Variants in AGO2 observed in about 807,000 individuals in gnomAD.
AGO2 encodes the protein protein argonaute-2.
In AGO2, 5 loss-of-function variants were observed where a neutral mutation model predicts 102.3. The observed-to-expected ratio is 0.05, with a 90% CI of 0.03 to 0.10. The LOEUF (loss-of-function observed/expected upper bound fraction) is 0.10, where lower values mean the gene tolerates loss of function less well. AGO2 is among the 10% of genes least tolerant of loss of function. AGO2 has a pLI of 1.00. For synonymous variants in AGO2, 449 were observed against 473.1 expected (o/e 0.95, Z 0.66); for missense variants, 541 against 1,183.7 (o/e 0.46, Z 7.97).
Position 140,555,935 on chromosome 8 carries a change from C to A in AGO2, c.1230G>T (p.Gly410=). Residue 410 remains glycine, a synonymous_variant, in exon 10 of 19, where the codon GGG becomes GGT. Transcript: ENST00000220592. ...GGATGGAGGGCGGCTGCAGCACCCGCCCAGTCACGTCTGTCATCTCATCTT... is the reference window on the plus strand; with the variant it reads ...GGATGGAGGGCGGCTGCAGCACCCGACCAGTCACGTCTGTCATCTCATCTT... ...MVKDEMTDVT[G]RVLQPPSILY... 1 of 1,614,172 alleles carries A rather than the reference C, an allele frequency of 6.2e-7. No individual in the cohort carries two copies. Among genetic ancestry groups the A allele is most frequent in the Non-Finnish European group, 8.5e-7 (1 of 1,180,046 alleles).
chr8:140,594,375 G>T (rs1453679626), intron 1 of AGO2, among the ~76,000 whole-genome samples: 1 of 152,190 alleles, frequency 6.6e-6, no homozygotes, highest in Non-Finnish European at 1.5e-5. Flanking sequence ...AATATCCACA[G>T]AAATATTTTA....
At chr8:140,592,902 C>A (rs564380052) in intron 1 of AGO2, 11 of 152,448 alleles carry the variant, frequency 7.2e-5, no homozygotes, top group African/African-American at 2.6e-4. Flanking sequence ...GACTTGTCTT[C>A]ATTGCACAGC....
chr8:140,608,964 C>T (rs1466539727), intron 1 of AGO2, among the ~76,000 whole-genome samples: 1 of 152,232 alleles, frequency 6.6e-6, no homozygotes, highest in Non-Finnish European at 1.5e-5. Flanking sequence ...CCACCCACTG[C>T]CTCAGTTCCA....
At chr8:140,607,379 C>A (rs2074011065) in intron 1 of AGO2, among the ~76,000 whole-genome samples, 1 of 150,782 alleles carries the variant, frequency 6.6e-6, no homozygotes, top group South Asian at 2.1e-4. Context: ...TGTGCTATGA[C>A]TGTACCTGTG....
intron 3 of AGO2, among the ~76,000 whole-genome samples, chr8:140,571,643 A>G (rs2073378953): frequency 6.6e-6 from 1 of 152,202 alleles, no homozygotes; most frequent in African/African-American, 2.4e-5. Flanking sequence ...AGGGTTTAAA[A>G]AGCAAACTGT....
chr8:140,535,636 C>A, intron 16 of AGO2, 67 bp from the exon 17 acceptor site: 1 of 1,521,576 alleles, frequency 6.6e-7, no homozygotes. Flanking sequence ...GCGGGCCAGG[C>A]AGCCGCGCCG....
intron 10 of AGO2, among the ~76,000 whole-genome samples, chr8:140,551,672 T>TGATGGGTGGGTGGATGGTG (rs1289702273): frequency 1.3e-5 from 2 of 148,928 alleles, no homozygotes; most frequent in African/African-American, 2.5e-5. Flanking sequence ...GGTGGATGGT[T>TGATGGGTGGGTGGATGGTG]GATGGGTGGG....
intron 2 of AGO2, among the ~76,000 whole-genome samples, chr8:140,577,928 C>T (rs1259546484): frequency 2.0e-5 from 3 of 152,238 alleles, no homozygotes; most frequent in Admixed American, 1.3e-4. Flanking sequence ...CCCAGCACGG[C>T]GTGCGGCTTG....
intron 10 of AGO2, among the ~76,000 whole-genome samples, chr8:140,552,630 T>C (rs191129967): frequency 4.2e-4 from 64 of 152,328 alleles, no homozygotes; most frequent in Non-Finnish European, 7.2e-4. Flanking sequence ...AGCCTCCCTG[T>C]GTGCAAGAGT....
chr8:140,586,985 G>A (rs528133624), intron 1 of AGO2, among the ~76,000 whole-genome samples: 20 of 152,314 alleles, frequency 1.3e-4, no homozygotes, highest in African/African-American at 4.3e-4. Context: ...GGGGCACACC[G>A]CTGGCTGCAA....
At chr8:140,582,784 G>T (rs573678538) in intron 2 of AGO2, among the ~76,000 whole-genome samples, 72 of 152,242 alleles carry the variant, frequency 4.7e-4, no homozygotes, top group African/African-American at 1.7e-3. Context: ...TTATAAATTG[G>T]ACTTCAACAA....
At chr8:140,613,803 C>A (rs2074108767) in intron 1 of AGO2, among the ~76,000 whole-genome samples, 1 of 151,846 alleles carries the variant, frequency 6.6e-6, no homozygotes, top group Admixed American at 6.6e-5. Context: ...GTCACTTGAC[C>A]CCTGGGGCTT....
intron 1 of AGO2, among the ~76,000 whole-genome samples, chr8:140,630,233 T>C (rs1588520603): frequency 6.6e-6 from 1 of 152,188 alleles, no homozygotes; most frequent in East Asian, 1.9e-4. Flanking sequence ...AAAAACGCAT[T>C]GAATCTGAGA....
intron 1 of AGO2, among the ~76,000 whole-genome samples, chr8:140,596,196 C>G: frequency 6.6e-6 from 1 of 151,558 alleles, no homozygotes; most frequent in East Asian, 1.9e-4. Context: ...TTATTTAAAA[C>G]TAAATTATTT....
intron 3 of AGO2, among the ~76,000 whole-genome samples, chr8:140,566,728 ACTGT>A (rs766100259): frequency 2.6e-5 from 4 of 152,006 alleles, no homozygotes; most frequent in Non-Finnish European, 5.9e-5. Flanking sequence ...CCCCTGTCAA[ACTGT>A]CTGACTCCAG....
chr8:140,539,492 G>C lies in AGO2; in HGVS notation c.2035-38C>G, dbSNP rs759254730. ...GAGGGAGGAGGTTGTGCTTAAAGATGGTAGTGCATGTGAGCAACGGTCCCA... is the reference window on the plus strand; with the variant it reads ...GAGGGAGGAGGTTGTGCTTAAAGATCGTAGTGCATGTGAGCAACGGTCCCA... On this transcript the variant is annotated intron_variant, in intron 15 of 18. Coordinates refer to ENST00000220592, the MANE Select transcript of AGO2 (RefSeq NM_012154.5). This position sits in a 1 kb window ranked among gnomAD's most constrained non-coding sequence, Gnocchi z 4.7. 4.4e-6 allele frequency: 7 copies of C among 1,586,410 alleles called. No individual in the cohort carries two copies. The highest frequency in any genetic ancestry group is 6.0e-6 in the Non-Finnish European group (7 of 1,164,432).
chr8:140,639,158 A>G (rs551980527), upstream of AGO2, among the ~76,000 whole-genome samples: 60 of 152,306 alleles, frequency 3.9e-4, no homozygotes, highest in African/African-American at 1.4e-3. Flanking sequence ...GTGAGACACT[A>G]TGCCCAGACT....
At chr8:140,581,986 A>G (rs528933089) in intron 2 of AGO2, among the ~76,000 whole-genome samples, 1 of 152,354 alleles carries the variant, frequency 6.6e-6, no homozygotes, top group South Asian at 2.1e-4. Context: ...AGGAAAAGAA[A>G]AATTTACACA....
chr8:140,603,972 T>C (rs2073962426), intron 1 of AGO2, among the ~76,000 whole-genome samples: 1 of 152,156 alleles, frequency 6.6e-6, no homozygotes, highest in Admixed American at 6.5e-5. Flanking sequence ...GAGCTGCCCC[T>C]CCCTCAGGGT....
Sources: allele counts gnomAD v4.1 joint callset (sites outside exome capture counted in the v4.1 genomes callset), GRCh38; gene constraint gnomAD v4.1.1; non-coding constraint Gnocchi (gnomAD v3.1); transcripts MANE v1.5; gene names NCBI Gene and HGNC (gene_info 2026-07-23, HGNC 2026-07-21).